PCDH11X: variants seen among roughly 807,000 people sequenced by gnomAD.
PCDH11X encodes protocadherin 11 X-linked, also known as protocadherin-11 X-linked.
PCDH11X carries 18 observed loss-of-function variants against 53.3 expected under a neutral mutation model. The observed-to-expected ratio is 0.34, with a 90% CI of 0.23 to 0.50. The LOEUF (loss-of-function observed/expected upper bound fraction) is 0.50, where lower values mean the gene tolerates loss of function less well. Ranked by LOEUF, PCDH11X falls within the 20% of genes least tolerant of loss-of-function variation. The pLI is 0.98. For synonymous variants in PCDH11X, 279 were observed against 393.3 expected (o/e 0.71, Z 3.44); for missense variants, 570 against 1,032.4 (o/e 0.55, Z 6.14).
At position 92,568,279 on chromosome X, in the gene PCDH11X, C is replaced by G. The variant is rs900241570; in HGVS notation, c.3368-49985C>G. ...ACTAAAAATACAAAAAAAATTAGCC[C>G]GGCGTGGTGGCGGGCGCCTGTAGTC... On this transcript the variant is annotated intron_variant, in intron 10 of 10. Coordinates refer to ENST00000682573, the MANE Select transcript of PCDH11X (RefSeq NM_032968.5). Among the ~76,000 whole-genome samples, 169 of 109,471 alleles carry G rather than the reference C, an allele frequency of 1.5e-3. 1 individual carries two copies. The highest frequency in any genetic ancestry group is 9.0e-3 in the East Asian group (31 of 3,435).
intron 2 of PCDH11X, 99 bp from the exon 3 acceptor site, chrX:91,810,374 C>T (rs997521403): frequency 3.6e-5 from 4 of 111,917 alleles, no homozygotes; most frequent in African/African-American, 1.3e-4. Context: ...TTGGAGGATC[C>T]TGCCATAAAA....
intron 8 of PCDH11X, among the ~76,000 whole-genome samples, chrX:92,266,493 A>G (rs973306059): frequency 8.9e-6 from 1 of 111,792 alleles, no homozygotes; most frequent in African/African-American, 3.2e-5. Context: ...AATAGGACCT[A>G]TATTTAGATT....
intron 6 of PCDH11X, among the ~76,000 whole-genome samples, chrX:92,128,743 AT>A (rs915011606): frequency 4.5e-5 from 5 of 110,512 alleles, no homozygotes; most frequent in African/African-American, 1.7e-4. Flanking sequence ...TCAGAAAATA[AT>A]TTTTTACAAA....
chrX:92,265,225 G>A (rs371478170), intron 8 of PCDH11X, among the ~76,000 whole-genome samples: 5 of 109,671 alleles, frequency 4.6e-5, no homozygotes, highest in Non-Finnish European at 7.6e-5. Flanking sequence ...GTGAGCCACC[G>A]CACCCGGCCG....
intron 10 of PCDH11X, among the ~76,000 whole-genome samples, chrX:92,474,483 ATTGTTAT>A (rs1451519144): frequency 1.0e-5 from 1 of 95,259 alleles, no homozygotes; most frequent in Non-Finnish European, 2.1e-5. Context: ...TTCTTGCCAT[ATTGTTAT>A]TTGTTTTCTG....
chrX:92,563,013 G>C, intron 10 of PCDH11X, among the ~76,000 whole-genome samples: 1 of 93,529 alleles, frequency 1.1e-5, no homozygotes, highest in Middle Eastern at 6.6e-3. Context: ...CAGATTTCAG[G>C]TATCTTTAGA....
chrX:92,353,810 A>T lies in PCDH11X; in HGVS notation c.3145-33925A>T, dbSNP rs1603284643. 3.6e-5 allele frequency among the ~76,000 whole-genome samples: 4 copies of T among 110,929 alleles called. No individual in the cohort carries two copies. In the Admixed American group the frequency reaches 3.9e-4, roughly 11 times the overall value. On this transcript the variant is annotated intron_variant, in intron 8 of 10. Transcript: ENST00000682573. The stretch of plus-strand genomic sequence containing the variant: ...CAATGTTATTTATAGTGTAAAAATA[A>T]TTATATTATCTTTACATTTGAATGG...
Position 92,578,838 on chromosome X carries a change from T to C in PCDH11X, c.3368-39426T>C, listed in dbSNP as rs188161674. 7.1e-3 allele frequency among the ~76,000 whole-genome samples: 764 copies of C among 107,755 alleles called. 11 individuals are homozygous for C. The highest frequency in any genetic ancestry group is 0.024 in the African/African-American group (720 of 29,653). The allele number at this position is 107,755 out of a possible 115,157, so 93.6% of individuals were successfully genotyped here. ...ACTTGTTAATGTAGTTGCTTCATAGTTTCATTGGTCTGTGTACTTCAGTGT... is the reference window on the plus strand; with the variant it reads ...ACTTGTTAATGTAGTTGCTTCATAGCTTCATTGGTCTGTGTACTTCAGTGT... On this transcript the variant is annotated intron_variant, in intron 10 of 10. Transcript: ENST00000682573.
intron 8 of PCDH11X, among the ~76,000 whole-genome samples, chrX:92,268,711 G>A (rs897696498): frequency 4.5e-5 from 5 of 111,470 alleles, no homozygotes; most frequent in Admixed American, 2.9e-4. Context: ...TTAACTCAAT[G>A]GTAATGGCTG....
At chrX:92,328,899 T>C (rs1224505416) in intron 8 of PCDH11X, among the ~76,000 whole-genome samples, 2 of 110,358 alleles carry the variant, frequency 1.8e-5, no homozygotes, top group African/African-American at 3.3e-5. Flanking sequence ...CAAAAACAAT[T>C]ATCAGGAGAG....
chrX:92,031,510 G>T (rs1406026692), intron 6 of PCDH11X, among the ~76,000 whole-genome samples: 2 of 109,866 alleles, frequency 1.8e-5, no homozygotes, highest in Non-Finnish European at 3.8e-5. Context: ...GTCCATTTTT[G>T]CTTTGGTTGC....
intron 6 of PCDH11X, among the ~76,000 whole-genome samples, chrX:91,980,411 G>A (rs1323959330): frequency 9.6e-6 from 1 of 103,743 alleles, no homozygotes; most frequent in African/African-American, 3.5e-5. Flanking sequence ...TCTTTTGATG[G>A]ATATCTTAGG....
rs186304706 is a variant in PCDH11X, at chrX:92,552,341, G to A, written c.3368-65923G>A. Among the ~76,000 whole-genome samples, 610 of 107,764 alleles carry A rather than the reference G, an allele frequency of 5.7e-3. 1 individual carries two copies. The highest frequency in any genetic ancestry group is 0.02 in the African/African-American group (586 of 29,774). 93.6% of individuals were successfully genotyped at this position (107,764 alleles called of 115,157 possible). ...ATAACCTTTTAAAATTTCTCTTACA[G>A]ATTGTTCCTTGTTGGCATATAAAAA... On this transcript the variant is annotated intron_variant, in intron 10 of 10. Coordinates refer to ENST00000682573, the MANE Select transcript of PCDH11X (RefSeq NM_032968.5).
chrX:92,541,027 G>A (rs1319904646), intron 10 of PCDH11X, among the ~76,000 whole-genome samples: 2 of 110,663 alleles, frequency 1.8e-5, no homozygotes, highest in Non-Finnish European at 3.8e-5. Context: ...AGTGGCACAA[G>A]CACTCTCTTA....
At chrX:92,222,972 G>C (rs1264439714) in intron 7 of PCDH11X, among the ~76,000 whole-genome samples, 1 of 111,802 alleles carries the variant, frequency 8.9e-6, no homozygotes, top group Non-Finnish European at 1.9e-5. Context: ...TCTTGTCACT[G>C]GTTAATTTTG....
intron 1 of PCDH11X, among the ~76,000 whole-genome samples, chrX:91,801,509 G>T (rs898538326): frequency 1.8e-5 from 2 of 111,695 alleles, no homozygotes; most frequent in Non-Finnish European, 3.8e-5. Flanking sequence ...TGATTTTCCA[G>T]AATAAAGTAA....
intron 10 of PCDH11X, among the ~76,000 whole-genome samples, chrX:92,540,810 G>A (rs2074743246): frequency 9.3e-6 from 1 of 106,982 alleles, no homozygotes; most frequent in South Asian, 4.3e-4. Context: ...TCAAGGCCAC[G>A]GGTCTGCCTC....
chrX:92,358,567 CTTGA>C (rs1351440334), intron 8 of PCDH11X, among the ~76,000 whole-genome samples: 13 of 93,105 alleles, frequency 1.4e-4, no homozygotes, highest in Non-Finnish European at 2.5e-4. Context: ...AGCCTAGAAA[CTTGA>C]TTATTACATA....
intron 9 of PCDH11X, among the ~76,000 whole-genome samples, chrX:92,434,556 T>C (rs1196847887): frequency 9.1e-6 from 1 of 110,234 alleles, no homozygotes; most frequent in Non-Finnish European, 1.9e-5. Context: ...TCTTTTCTTT[T>C]TAAGAGACAA....
Sources: gnomAD v4.1 joint callset for allele counts (sites outside exome capture counted in the v4.1 genomes callset) on GRCh38, gnomAD v4.1.1 for gene constraint, MANE v1.5 for transcripts, NCBI Gene and HGNC (gene_info 2026-07-23, HGNC 2026-07-21) for gene names.